The following OPRD1 variants were observed in gnomAD, a reference collection of about 807,000 sequenced individuals.
OPRD1 encodes the protein delta-type opioid receptor.
OPRD1 carries 19 observed loss-of-function variants against 17.5 expected under a neutral mutation model. The ratio of observed to expected loss-of-function variants is 1.09; its 90% CI spans 0.76 to 1.60. The LOEUF is 1.60. Among genes scored for constraint, OPRD1 ranks in the 40% most tolerant of loss-of-function variants. OPRD1 has a pLI of 0.00. For missense variants in OPRD1, 483 were observed against 547.2 expected, an observed-to-expected ratio of 0.88 and a Z score of 1.17; for synonymous variants, 256 against 240.9, an observed-to-expected ratio of 1.06 and a Z score of -0.58.
chr1:28,857,658 T>C (rs1237479567), intron 1 of OPRD1, among the ~76,000 whole-genome samples: 2 of 151,884 alleles, frequency 1.3e-5, no homozygotes, highest in African/African-American at 4.8e-5. Context: ...ATTATTATTA[T>C]TGTTATTTGT....
intron 1 of OPRD1, among the ~76,000 whole-genome samples, chr1:28,852,201 A>G (rs2089011551): frequency 6.6e-6 from 1 of 151,234 alleles, no homozygotes; most frequent in African/African-American, 2.4e-5. Flanking sequence ...AGAAAGAAAG[A>G]AAAGAAAGTG....
chr1:28,838,310 C>G (rs1198359770), intron 1 of OPRD1, among the ~76,000 whole-genome samples: 2 of 152,216 alleles, frequency 1.3e-5, no homozygotes, highest in Admixed American at 1.3e-4. Context: ...CCTTTAGCCT[C>G]AGCCACCTTG....
rs1458986951 is a variant in OPRD1 at position 28,863,435 on chromosome 1, G to A, written c.*152G>A. The stretch of plus-strand genomic sequence containing the variant: ...GGGCCTCTGTTTCGGAGACGGGACC[G>A]GGCCGCTAGATGGGCATGGGGTGGG... On this transcript the variant is annotated 3_prime_UTR_variant, in exon 3 of 3. Transcript: ENST00000234961. 4.5e-6 allele frequency: 4 copies of A among 895,804 alleles called. No individual in the cohort carries two copies. Among genetic ancestry groups the A allele is most frequent in the South Asian group, 4.3e-5 (2 of 46,958 alleles). The allele number at this position is 895,804 out of a possible 1,614,324, so 55.5% of individuals were successfully genotyped here.
intron 1 of OPRD1, among the ~76,000 whole-genome samples, chr1:28,815,976 C>T (rs919175772): frequency 1.3e-5 from 2 of 152,094 alleles, no homozygotes; most frequent in Non-Finnish European, 2.9e-5. Context: ...GTCTGAAGCT[C>T]TTCTCATTAA....
chr1:28,860,365 A>T (rs2089102447), intron 2 of OPRD1, among the ~76,000 whole-genome samples: 1 of 149,818 alleles, frequency 6.7e-6, no homozygotes, highest in Non-Finnish European at 1.5e-5. Context: ...ACTTGTCTAA[A>T]AAAAAAAAAA....
chr1:28,824,699 C>T (rs1165122660), intron 1 of OPRD1, among the ~76,000 whole-genome samples: 1 of 152,090 alleles, frequency 6.6e-6, no homozygotes, highest in Non-Finnish European at 1.5e-5. Flanking sequence ...TTAATTTTTG[C>T]AGACCTCGTA....
chr1:28,852,135 C>G (rs944880718), intron 1 of OPRD1, among the ~76,000 whole-genome samples: 2 of 145,168 alleles, frequency 1.4e-5, no homozygotes, highest in Non-Finnish European at 3.0e-5. Flanking sequence ...CAACTGCCCT[C>G]CAGCCTGGGC....
At chr1:28,842,175 A>G (rs1349786025) in intron 1 of OPRD1, among the ~76,000 whole-genome samples, 1 of 152,066 alleles carries the variant, frequency 6.6e-6, no homozygotes, top group Non-Finnish European at 1.5e-5. Context: ...GACTATAGGC[A>G]TGCGCCACCA....
intron 1 of OPRD1, among the ~76,000 whole-genome samples, chr1:28,826,555 A>G (rs1032008759): frequency 6.6e-6 from 1 of 152,168 alleles, no homozygotes. Flanking sequence ...ACTGTAGTCT[A>G]TTAAGTGTGT....
chr1:28,837,467 A>G (rs977620893), intron 1 of OPRD1, among the ~76,000 whole-genome samples: 2 of 151,796 alleles, frequency 1.3e-5, no homozygotes, highest in African/African-American at 4.8e-5. Context: ...GGTTAACATC[A>G]TGAAACCCTG....
chr1:28,850,101 C>T (rs996197903), intron 1 of OPRD1, among the ~76,000 whole-genome samples: 2 of 151,960 alleles, frequency 1.3e-5, no homozygotes, highest in Non-Finnish European at 2.9e-5. Flanking sequence ...AGGATGGTCT[C>T]AATCTTCTGA....
intron 1 of OPRD1, among the ~76,000 whole-genome samples, chr1:28,825,478 C>T (rs1056120182): frequency 3.9e-5 from 6 of 152,080 alleles, no homozygotes; most frequent in Admixed American, 1.3e-4. Context: ...CTCCACCTCC[C>T]GGGTTCAAGC....
chr1:28,812,313 C>T lies in OPRD1; in HGVS notation c.-71C>T, dbSNP rs1051286354. 5.4e-6 allele frequency: 6 copies of T among 1,110,724 alleles called. No homozygotes were observed. The highest frequency in any genetic ancestry group is 1.6e-5 in the African/African-American group (1 of 61,132). 68.8% of individuals were successfully genotyped at this position (1,110,724 alleles called of 1,614,324 possible). A position where few individuals can be genotyped will look rare whatever the true frequency, so the allele number is the denominator to read the frequency against. On this transcript the variant is annotated 5_prime_UTR_variant, in exon 1 of 3. Transcript: ENST00000234961. The stretch of plus-strand genomic sequence containing the variant: ...CGGGGCCGCGGCCTCTGCCTTGCCG[C>T]TCCCCTCGCGTCGGATCCCCGCGCC...
intron 1 of OPRD1, among the ~76,000 whole-genome samples, chr1:28,824,125 G>A (rs1426727329): frequency 6.7e-6 from 1 of 148,422 alleles, no homozygotes; most frequent in African/African-American, 2.5e-5. Context: ...GTTGCAGTGA[G>A]CCGAGATCGC....
At position 28,863,471 on chromosome 1, in the gene OPRD1, GGGGCGAGGCAGA is replaced by G; in HGVS notation, c.*191_*202del. 1.6e-6 allele frequency: 1 copy of G among 633,498 alleles called. No homozygotes were observed. 39.2% of individuals were successfully genotyped at this position (633,498 alleles called of 1,614,324 possible). ...TGGGCATGGGGTGGGCCTCTGGTTT[GGGGCGAGGCAGA>G]GGACAGATCAATGGCGCAGTGCCTC... On this transcript the variant is annotated 3_prime_UTR_variant, in exon 3 of 3. Transcript: ENST00000234961.
chr1:28,851,582 G>A (rs1160829394), intron 1 of OPRD1, among the ~76,000 whole-genome samples: 1 of 152,116 alleles, frequency 6.6e-6, no homozygotes, highest in Non-Finnish European at 1.5e-5. Flanking sequence ...GATGGAAAGT[G>A]GGGAGGAGGC....
chr1:28,862,773 C>G lies in OPRD1; in HGVS notation c.609C>G (p.Pro203=). 6.2e-7 allele frequency: 1 copy of G among 1,612,388 alleles called. No individual in the cohort carries two copies. The highest frequency in any genetic ancestry group is 1.7e-5 in the Admixed American group (1 of 59,922). ...DGAVVCMLQF[P]SPSWYWDTVT... ...CAGTGGTGTGCATGCTCCAGTTCCC[C>G]AGCCCCAGCTGGTACTGGGACACGG... Residue 203 remains proline (P), a synonymous_variant, in exon 3 of 3, where the codon CCC becomes CCG. Coordinates refer to ENST00000234961, the MANE Select transcript of OPRD1 (RefSeq NM_000911.4).
In OPRD1 at chr1:28,863,130, C is replaced by A; in HGVS notation, c.966C>A (p.Asp322Glu). The change falls in exon 3 of 3, where the codon GAC becomes GAA. Residue 322 changes from aspartate (D) to glutamate (E), a missense_variant. By Grantham distance (45) the Asp-to-Glu change is conservative (BLOSUM62 2). Transcript: ENST00000234961. ...SLNPVLYAFL[D>E]ENFKRCFRQL... is the part of the protein sequence containing the mutation. ...ACCCCGTGCTCTACGCTTTCCTCGA[C>A]GAGAACTTCAAGCGCTGCTTCCGCC... 6.2e-7 allele frequency: 1 copy of A among 1,609,654 alleles called. No homozygotes were observed. Among genetic ancestry groups the A allele is most frequent in the Non-Finnish European group, 8.5e-7 (1 of 1,179,258 alleles).
At chr1:28,829,374 C>A (rs1421013423) in intron 1 of OPRD1, among the ~76,000 whole-genome samples, 1 of 151,996 alleles carries the variant, frequency 6.6e-6, no homozygotes, top group Non-Finnish European at 1.5e-5. Context: ...TCCTTTCTTT[C>A]TTTCCTTCTT....
Sources: allele counts gnomAD v4.1 joint callset (sites outside exome capture counted in the v4.1 genomes callset), GRCh38; gene constraint gnomAD v4.1.1; transcripts MANE v1.5; gene names NCBI Gene and HGNC (gene_info 2026-07-23, HGNC 2026-07-21).